HNRNPF: variants seen among roughly 807,000 people sequenced by gnomAD.
HNRNPF encodes heterogeneous nuclear ribonucleoprotein F, also known as HnRNP F protein.
Under a neutral mutation model 26.0 loss-of-function variants are expected in HNRNPF, and 2 were observed. The ratio of observed to expected loss-of-function variants is 0.08; its 90% CI spans 0.03 to 0.24. HNRNPF has a LOEUF of 0.24. HNRNPF is among the 10% of genes least tolerant of loss of function. HNRNPF has a pLI of 1.00. For synonymous variants in HNRNPF, 234 were observed against 211.5 expected (o/e 1.11, Z -0.92); for missense variants, 299 against 539.2 (o/e 0.55, Z 4.41).
chr10:43,391,122 T>C lies in HNRNPF; in HGVS notation c.-52-3186A>G, dbSNP rs906076953. Among the ~76,000 whole-genome samples the C allele has an allele frequency of 9.2e-5, 14 of 152,062 alleles. No individual in the cohort carries two copies. The East Asian group carries it at 2.5e-3, about 27-fold the overall frequency. On this transcript the variant is annotated intron_variant, in intron 3 of 3. Coordinates refer to ENST00000682386, the MANE Select transcript of HNRNPF (RefSeq NM_001098204.2). ...TGAGTTCCAATAGACAAAACCTCTG[T>C]CTCGACTAAAAATACAAAAAACTAG...
intron 3 of HNRNPF, 53 bp downstream of exon 3, chr10:43,394,577 A>G (rs1053134857): frequency 1.3e-5 from 2 of 152,228 alleles, no homozygotes; most frequent in Admixed American, 6.5e-5. Context: ...AAATTTGAGT[A>G]TAACAAATAT....
At position 43,386,676 on chromosome 10, in the gene HNRNPF, G is replaced by A. The variant is rs74135743; in HGVS notation, c.1209C>T (p.Ala403=). 1,483 of 1,585,384 alleles carry A rather than the reference G, an allele frequency of 9.4e-4. 13 individuals are homozygous for A. The African/African-American group carries it at 0.018, about 19-fold the overall frequency. The change falls in exon 4 of 4, where the codon GCC becomes GCT. Residue 403 remains alanine, a synonymous_variant. Coordinates refer to ENST00000682386, the MANE Select transcript of HNRNPF (RefSeq NM_001098204.2). ...CCATGCTGTTCTGCCCACTGTAGCC[G>A]GCCCCGTAACAGCCACTCACTGACT... is the stretch of plus-strand genomic sequence containing the variant. ...ESQSVSGCYG[A]GYSGQNSMGG... is the part of the protein sequence containing the mutation.
chr10:43,401,504 A>G (rs1838753583), intron 1 of HNRNPF, among the ~76,000 whole-genome samples: 2 of 152,168 alleles, frequency 1.3e-5, no homozygotes, highest in Non-Finnish European at 2.9e-5. Context: ...AAACGTTAAT[A>G]AAAAGCAAAA....
At position 43,385,891 on chromosome 10, in the gene HNRNPF, TAAG is replaced by T. The variant is rs1226279675; in HGVS notation, c.*743_*745del. On this transcript the variant is annotated 3_prime_UTR_variant, in exon 4 of 4. Coordinates refer to ENST00000682386, the MANE Select transcript of HNRNPF (RefSeq NM_001098204.2). ...ATTAGACTTTTATTTAGCCTCATCATAAGAATATAAGGGAGATCATAGATTTGA... is the reference window on the plus strand; with the variant it reads ...ATTAGACTTTTATTTAGCCTCATCATAATATAAGGGAGATCATAGATTTGA... The T allele has an allele frequency of 6.6e-6, 1 of 152,656 alleles. No homozygotes were observed. Among genetic ancestry groups the T allele is most frequent in the African/African-American group, 2.4e-5 (1 of 41,458 alleles). The allele number at this position is 152,656 out of a possible 1,614,324, so 9.5% of individuals were successfully genotyped here.
At chr10:43,397,987 C>G (rs937551893) in intron 1 of HNRNPF, among the ~76,000 whole-genome samples, 2 of 152,184 alleles carry the variant, frequency 1.3e-5, no homozygotes, top group Middle Eastern at 3.2e-3. Flanking sequence ...AGTTTCATTA[C>G]ACTTGTTTCT....
At chr10:43,398,829 T>G (rs533946884) in intron 1 of HNRNPF, among the ~76,000 whole-genome samples, 1 of 152,186 alleles carries the variant, frequency 6.6e-6, no homozygotes, top group African/African-American at 2.4e-5. Flanking sequence ...TACAACTGTT[T>G]GTAAAACTGA....
intron 1 of HNRNPF, among the ~76,000 whole-genome samples, chr10:43,398,479 T>C (rs2131982632): frequency 6.7e-6 from 1 of 149,074 alleles, no homozygotes; most frequent in East Asian, 2.0e-4. Context: ...GTAGCTGGGA[T>C]TATAGGCGTG....
intron 3 of HNRNPF, among the ~76,000 whole-genome samples, chr10:43,393,615 T>C (rs1284616263): frequency 6.6e-6 from 1 of 151,788 alleles, no homozygotes. Flanking sequence ...AAAAAAGTTT[T>C]CCAAGCACAG....
rs1838077813 is a variant in HNRNPF at position 43,387,572 on chromosome 10, C to T, written c.313G>A (p.Ala105Thr). ...ACGAAGCCATCGTTGGCGCTGTCGGCACTGTTGGGACCACTGTGCTTCAAC... is the reference window on the plus strand; with the variant it reads ...ACGAAGCCATCGTTGGCGCTGTCGGTACTGTTGGGACCACTGTGCTTCAAC... Reference protein sequence around the residue: ...WVLKHSGPNSADSANDGFVRL... With the variant: ...WVLKHSGPNSTDSANDGFVRL... The change falls in exon 4 of 4, where the codon GCC becomes ACC. Residue 105 changes from alanine (A) to threonine (T), a missense_variant. This residue lies in a region of HNRNPF where 104 missense variants were observed against 239.0 expected (regional missense o/e 0.44). Transcript: ENST00000682386. This position sits in a 1 kb window ranked among gnomAD's most constrained non-coding sequence, Gnocchi z 6.0. 1.2e-6 allele frequency: 2 copies of T among 1,614,040 alleles called. No individual in the cohort carries two copies. Among genetic ancestry groups the T allele is most frequent in the African/African-American group, 2.7e-5 (2 of 74,920 alleles).
Position 43,385,982 on chromosome 10 carries a change from C to T in HNRNPF, c.*655G>A, listed in dbSNP as rs1316159860. 1 of 152,610 alleles carries T rather than the reference C, an allele frequency of 6.6e-6. No individual in the cohort carries two copies. Among genetic ancestry groups the T allele is most frequent in the East Asian group, 1.9e-4 (1 of 5,204 alleles). 9.5% of individuals were successfully genotyped at this position (152,610 alleles called of 1,614,324 possible). The stretch of plus-strand genomic sequence containing the variant: ...GATTAAAATGAATTATCTTCAACCA[C>T]CCGTTTTGCTATCTTTTGCTGAGTA... On this transcript the variant is annotated 3_prime_UTR_variant, in exon 4 of 4. Transcript: ENST00000682386.
intron 1 of HNRNPF, chr10:43,407,579 C>A (rs1323192266): frequency 1.3e-5 from 2 of 152,192 alleles, no homozygotes; most frequent in Non-Finnish European, 2.9e-5. Flanking sequence ...GGAGCCGGGC[C>A]CCGTCCACAA....
At chr10:43,390,109 C>A (rs924896024) in intron 3 of HNRNPF, among the ~76,000 whole-genome samples, 2 of 152,200 alleles carry the variant, frequency 1.3e-5, no homozygotes, top group East Asian at 3.8e-4. Context: ...TCTGGCAGAG[C>A]AAGGTCACAG....
At chr10:43,392,250 A>G (rs1409788265) in intron 3 of HNRNPF, among the ~76,000 whole-genome samples, 1 of 152,116 alleles carries the variant, frequency 6.6e-6, no homozygotes, top group Non-Finnish European at 1.5e-5. Context: ...CTAAAAATAC[A>G]GAAAAATTGG....
At chr10:43,398,408 C>A (rs1838641093) in intron 1 of HNRNPF, among the ~76,000 whole-genome samples, 2 of 147,734 alleles carry the variant, frequency 1.4e-5, no homozygotes, top group South Asian at 4.4e-4. Flanking sequence ...ATGGCACGAT[C>A]TCGGCTCACT....
intron 3 of HNRNPF, among the ~76,000 whole-genome samples, chr10:43,388,777 A>G (rs994763395): frequency 5.9e-5 from 9 of 152,180 alleles, no homozygotes; most frequent in Middle Eastern, 3.2e-3. Flanking sequence ...CCTGAAGTCC[A>G]AACTCAGAGT....
At chr10:43,395,233 G>C (rs985575200) in intron 2 of HNRNPF, among the ~76,000 whole-genome samples, 8 of 152,190 alleles carry the variant, frequency 5.3e-5, no homozygotes, top group African/African-American at 1.9e-4. Context: ...TGGGCAAGGA[G>C]CAAGGGTGCT....
At chr10:43,398,648 G>A (rs552372209) in intron 1 of HNRNPF, among the ~76,000 whole-genome samples, 22 of 151,930 alleles carry the variant, frequency 1.4e-4, no homozygotes, top group African/African-American at 4.6e-4. Flanking sequence ...CCTGTTTTAC[G>A]TTTTTAACAG....
chr10:43,387,050 T>C lies in HNRNPF; in HGVS notation c.835A>G (p.Ser279Gly), dbSNP rs1382821558. The C allele has an allele frequency of 1.2e-6, 2 of 1,613,052 alleles. No individual in the cohort carries two copies. The highest frequency in any genetic ancestry group is 8.5e-7 in the Non-Finnish European group (1 of 1,180,024). Residue 279 changes from serine (S) to glycine (G), a missense_variant, in exon 4 of 4, where the codon AGT (serine) becomes GGT (glycine). Physicochemically the swap from Ser to Gly is moderately conservative, Grantham distance 56. Coordinates refer to ENST00000682386, the MANE Select transcript of HNRNPF (RefSeq NM_001098204.2). This position sits in a 1 kb window ranked among gnomAD's most constrained non-coding sequence, Gnocchi z 6.0. ...SGMYDHRYGD[S>G]EFTVQSTTGH... The stretch of plus-strand genomic sequence containing the variant: ...GTGGTGCTCTGCACTGTGAACTCAC[T>C]GTCGCCGTATCTGTGGTCATACATT...
At chr10:43,390,012 G>T (rs1050007055) in intron 3 of HNRNPF, among the ~76,000 whole-genome samples, 3 of 152,166 alleles carry the variant, frequency 2.0e-5, no homozygotes, top group Non-Finnish European at 4.4e-5. Flanking sequence ...AAACCCTGGG[G>T]TTTAGCCTCC....
Sources: allele counts gnomAD v4.1 joint callset (sites outside exome capture counted in the v4.1 genomes callset), GRCh38; gene constraint gnomAD v4.1.1; regional missense constraint gnomAD v4.1.1; non-coding constraint Gnocchi (gnomAD v3.1); transcripts MANE v1.5; gene names NCBI Gene and HGNC (gene_info 2026-07-23, HGNC 2026-07-21).